Variants in PBX1 observed in about 807,000 individuals in gnomAD.
PBX1 encodes pre-B-cell leukemia transcription factor 1.
A neutral mutation model predicts 53.4 loss-of-function variants in PBX1; 6 were observed. That is an observed-to-expected ratio of 0.11 (90% CI 0.06 to 0.22). The LOEUF (loss-of-function observed/expected upper bound fraction) is 0.22, where lower values mean the gene tolerates loss of function less well. Ranked by LOEUF, PBX1 falls within the 10% of genes least tolerant of loss-of-function variation. The pLI, the probability that PBX1 is intolerant of heterozygous loss-of-function variation, is 1.00. For synonymous variants in PBX1, 204 were observed against 212.3 expected (o/e 0.96, Z 0.34); for missense variants, 251 against 551.4 (o/e 0.46, Z 5.46).
chr1:164,615,802 A>C, intron 2 of PBX1, among the ~76,000 whole-genome samples: 1 of 152,152 alleles, frequency 6.6e-6, no homozygotes, highest in Non-Finnish European at 1.5e-5. Context: ...CTGTCACAAG[A>C]GGGGAGGAGT....
At chr1:164,598,570 T>G (rs1179376351) in intron 2 of PBX1, among the ~76,000 whole-genome samples, 2 of 152,220 alleles carry the variant, frequency 1.3e-5, no homozygotes, top group Admixed American at 6.5e-5. Context: ...TACTAGTGTT[T>G]GTTGATTTTC....
intron 2 of PBX1, among the ~76,000 whole-genome samples, chr1:164,885,093 T>A (rs1672748050): frequency 6.6e-6 from 1 of 152,152 alleles, no homozygotes; most frequent in Non-Finnish European, 1.5e-5. Context: ...GGCATTTCTA[T>A]CCTTGTTCTG....
intron 2 of PBX1, among the ~76,000 whole-genome samples, chr1:164,620,183 C>T (rs1424754522): frequency 6.6e-6 from 1 of 152,094 alleles, no homozygotes; most frequent in Non-Finnish European, 1.5e-5. Context: ...TATCAAAAAA[C>T]CAGCAAAACC....
intron 8 of PBX1, 62 bp from the exon 9 acceptor site, chr1:164,846,522 T>A (rs1172242066): frequency 1.4e-6 from 2 of 1,407,904 alleles, no homozygotes; most frequent in Admixed American, 1.7e-5. Context: ...TCATTGTCAT[T>A]GTCTGCTGAA....
intron 2 of PBX1, among the ~76,000 whole-genome samples, chr1:164,591,208 C>T (rs1471127923): frequency 1.3e-5 from 2 of 152,074 alleles, no homozygotes; most frequent in African/African-American, 2.4e-5. Context: ...GACGGGGTTT[C>T]ACCATGTTGG....
At chr1:164,588,486 T>C (rs1655111823) in intron 2 of PBX1, among the ~76,000 whole-genome samples, 1 of 105,742 alleles carries the variant, frequency 9.5e-6, no homozygotes, top group African/African-American at 5.8e-5. Flanking sequence ...TTTTTTTTTT[T>C]TTTTTTTTTT....
At chr1:164,591,169 G>T (rs1655348140) in intron 2 of PBX1, among the ~76,000 whole-genome samples, 1 of 152,022 alleles carries the variant, frequency 6.6e-6, no homozygotes, top group African/African-American at 2.4e-5. Flanking sequence ...GTGTCACCAT[G>T]CCCAGCTAAT....
chr1:164,629,085 C>G (rs1658236694), intron 2 of PBX1, among the ~76,000 whole-genome samples: 1 of 152,116 alleles, frequency 6.6e-6, no homozygotes. Flanking sequence ...GGCCCTTACC[C>G]TGGTCATCTG....
chr1:164,841,557 A>G (rs72698323), intron 8 of PBX1, among the ~76,000 whole-genome samples: 4,648 of 152,270 alleles, frequency 0.031, 126 homozygotes, highest in Middle Eastern at 0.054. Flanking sequence ...TTTCCACTGT[A>G]AAATTCCCCA....
At chr1:164,665,618 C>G in intron 2 of PBX1, among the ~76,000 whole-genome samples, 1 of 152,184 alleles carries the variant, frequency 6.6e-6, no homozygotes, top group South Asian at 2.1e-4. Context: ...CAAAGGGACA[C>G]TGGTTAGTTC....
chr1:164,873,606 G>A (rs1346281281), intron 2 of PBX1, among the ~76,000 whole-genome samples: 1 of 152,196 alleles, frequency 6.6e-6, no homozygotes, highest in Non-Finnish European at 1.5e-5. Flanking sequence ...GAGATGGGGG[G>A]CAGGGGTAGG....
At chr1:164,710,492 A>T (rs1023190194) in intron 2 of PBX1, among the ~76,000 whole-genome samples, 2 of 151,710 alleles carry the variant, frequency 1.3e-5, no homozygotes, top group Non-Finnish European at 2.9e-5. Context: ...GCTCACTGCA[A>T]CCTCCACCTC....
At chr1:164,601,408 G>A (rs921894972) in intron 2 of PBX1, among the ~76,000 whole-genome samples, 1 of 152,062 alleles carries the variant, frequency 6.6e-6, no homozygotes, top group Non-Finnish European at 1.5e-5. Context: ...TGAGGCATCC[G>A]ACACTCCTTT....
intron 2 of PBX1, among the ~76,000 whole-genome samples, chr1:164,563,528 A>T (rs938376818): frequency 1.1e-4 from 16 of 152,212 alleles, no homozygotes; most frequent in Non-Finnish European, 4.4e-5. Flanking sequence ...TTAATTTTCC[A>T]GAACTCTATT....
intron 2 of PBX1, among the ~76,000 whole-genome samples, chr1:164,688,391 T>C (rs1557943233): frequency 6.6e-6 from 1 of 152,174 alleles, no homozygotes; most frequent in Non-Finnish European, 1.5e-5. Flanking sequence ...TGAAGAACTT[T>C]TAATAAAGTT....
chr1:164,661,304 A>C lies in PBX1; in HGVS notation c.265+97993A>C, dbSNP rs537761893. 2.6e-5 allele frequency among the ~76,000 whole-genome samples: 4 copies of C among 152,306 alleles called. No individual in the cohort carries two copies. In the South Asian group the frequency reaches 8.3e-4, roughly 32 times the overall value. On this transcript the variant is annotated intron_variant, in intron 2 of 8. Coordinates refer to ENST00000420696, the MANE Select transcript of PBX1 (RefSeq NM_002585.4). ...TCTCTCCCATGGGTGTGTCTGAAGGACATGCCATCTGGCATGAGGGATAAC... is the reference window on the plus strand; with the variant it reads ...TCTCTCCCATGGGTGTGTCTGAAGGCCATGCCATCTGGCATGAGGGATAAC...
At chr1:164,840,519 C>T (rs907174146) in intron 8 of PBX1, among the ~76,000 whole-genome samples, 3 of 152,180 alleles carry the variant, frequency 2.0e-5, no homozygotes, top group Middle Eastern at 6.8e-3. Flanking sequence ...TTGCAATTCC[C>T]ACTGTGCTCA....
intron 2 of PBX1, among the ~76,000 whole-genome samples, chr1:164,595,910 T>C (rs1655724032): frequency 6.6e-6 from 1 of 152,166 alleles, no homozygotes; most frequent in African/African-American, 2.4e-5. Context: ...CCAAAGGTTG[T>C]AATTTTTAGG....
chr1:164,748,570 G>A (rs1181645084), intron 2 of PBX1, among the ~76,000 whole-genome samples: 1 of 152,172 alleles, frequency 6.6e-6, no homozygotes, highest in East Asian at 1.9e-4. Flanking sequence ...TTCTTTCCCT[G>A]TGATTCACAT....
Sources: gnomAD v4.1 joint callset for allele counts (sites outside exome capture counted in the v4.1 genomes callset) on GRCh38, gnomAD v4.1.1 for gene constraint, MANE v1.5 for transcripts, NCBI Gene and HGNC (gene_info 2026-07-23, HGNC 2026-07-21) for gene names.